Variants in PRKCE observed in about 807,000 individuals in gnomAD.
PRKCE encodes protein kinase C epsilon type.
A neutral mutation model predicts 85.4 loss-of-function variants in PRKCE; 16 were observed. That is an observed-to-expected ratio of 0.19 (90% CI 0.13 to 0.28). The LOEUF is 0.28. Among genes scored for constraint, PRKCE ranks in the 10% least tolerant of loss-of-function variants. The probability of loss-of-function intolerance (pLI) is 1.00; values close to 1 mark genes in which losing one functional copy is unlikely to be tolerated. For synonymous variants in PRKCE, 388 were observed against 371.5 expected, an observed-to-expected ratio of 1.04 and a Z score of -0.51; for missense variants, 573 against 975.2, an observed-to-expected ratio of 0.59 and a Z score of 5.49.
intron 12 of PRKCE, among the ~76,000 whole-genome samples, chr2:46,147,466 G>A (rs72879763): frequency 0.014 from 2,165 of 152,244 alleles, 60 homozygotes; most frequent in African/African-American, 0.05. Flanking sequence ...GAACAAAATA[G>A]CCACTCAGCT....
chr2:45,922,180 T>C (rs1210321171), intron 2 of PRKCE, among the ~76,000 whole-genome samples: 2 of 152,226 alleles, frequency 1.3e-5, no homozygotes, highest in African/African-American at 2.4e-5. Flanking sequence ...TGAGAGTGTC[T>C]CTGTTGACAT....
chr2:45,741,032 C>A (rs1237649178), intron 1 of PRKCE, among the ~76,000 whole-genome samples: 1 of 152,180 alleles, frequency 6.6e-6, no homozygotes, highest in Non-Finnish European at 1.5e-5. Flanking sequence ...CTGAAATGAT[C>A]TTTTTGTGAA....
chr2:45,779,724 T>C (rs111790956), intron 1 of PRKCE, among the ~76,000 whole-genome samples: 26 of 152,244 alleles, frequency 1.7e-4, no homozygotes, highest in Middle Eastern at 3.4e-3. Flanking sequence ...TATATAGATA[T>C]ATATGTCTAT....
At chr2:45,900,141 G>T (rs949328294) in intron 2 of PRKCE, among the ~76,000 whole-genome samples, 6 of 152,178 alleles carry the variant, frequency 3.9e-5, no homozygotes, top group African/African-American at 1.2e-4. Context: ...AAGATGTGGG[G>T]AAATGGAAAC....
intron 10 of PRKCE, among the ~76,000 whole-genome samples, chr2:46,079,495 A>C (rs1026462980): frequency 4.6e-5 from 7 of 152,194 alleles, no homozygotes; most frequent in African/African-American, 1.7e-4. Context: ...TGTTGAATTG[A>C]TAGGTTAGAT....
chr2:45,749,950 C>CT (rs1411852660), intron 1 of PRKCE, among the ~76,000 whole-genome samples: 1 of 152,062 alleles, frequency 6.6e-6, no homozygotes, highest in Non-Finnish European at 1.5e-5. Flanking sequence ...AGGATAAGGC[C>CT]TTTTGGGGGG....
At chr2:45,953,863 A>G (rs1470976007) in intron 2 of PRKCE, among the ~76,000 whole-genome samples, 1 of 152,144 alleles carries the variant, frequency 6.6e-6, no homozygotes, top group Non-Finnish European at 1.5e-5. Context: ...ATTAGTCCTA[A>G]TTATTTTCGT....
intron 2 of PRKCE, among the ~76,000 whole-genome samples, chr2:45,877,757 T>TTGAAACTGATCCAATAGCCCCACA (rs1694587946): frequency 6.6e-6 from 1 of 152,232 alleles, no homozygotes; most frequent in Non-Finnish European, 1.5e-5. Flanking sequence ...ATGGTTCCCT[T>TTGAAACTGATCCAATAGCCCCACA]TGAAACTGAT....
chr2:45,989,813 A>G (rs894776179), intron 6 of PRKCE, among the ~76,000 whole-genome samples: 1 of 152,220 alleles, frequency 6.6e-6, no homozygotes, highest in African/African-American at 2.4e-5. Flanking sequence ...AGCACAATAC[A>G]TAAATACATT....
intron 1 of PRKCE, among the ~76,000 whole-genome samples, chr2:45,803,914 G>T (rs1688055223): frequency 6.6e-6 from 1 of 152,196 alleles, no homozygotes; most frequent in South Asian, 2.1e-4. Context: ...ACAGGATGTT[G>T]TTTAATGGGC....
chr2:45,966,835 C>T (rs896279032), intron 2 of PRKCE, among the ~76,000 whole-genome samples: 1 of 152,094 alleles, frequency 6.6e-6, no homozygotes, highest in African/African-American at 2.4e-5. Flanking sequence ...AGGTTGGGGG[C>T]CACAAGGGAG....
chr2:46,025,897 T>C (rs1283465846), intron 10 of PRKCE, among the ~76,000 whole-genome samples: 1 of 152,188 alleles, frequency 6.6e-6, no homozygotes, highest in Non-Finnish European at 1.5e-5. Context: ...GAGGGCAAAC[T>C]GACCCATCAC....
intron 10 of PRKCE, among the ~76,000 whole-genome samples, chr2:46,051,774 G>T (rs1467169774): frequency 1.3e-5 from 2 of 152,174 alleles, no homozygotes; most frequent in African/African-American, 4.8e-5. Flanking sequence ...CCTGAGACTG[G>T]GTAATTTATA....
intron 2 of PRKCE, among the ~76,000 whole-genome samples, chr2:45,865,905 C>A (rs1358536818): frequency 6.6e-6 from 1 of 150,482 alleles, no homozygotes; most frequent in Non-Finnish European, 1.5e-5. Context: ...GCAGCCTCAA[C>A]CTCACAGGCT....
At chr2:45,869,590 G>A (rs1315234510) in intron 2 of PRKCE, among the ~76,000 whole-genome samples, 1 of 152,146 alleles carries the variant, frequency 6.6e-6, no homozygotes, top group Non-Finnish European at 1.5e-5. Context: ...TGAGCATAGA[G>A]AGGTTGAGCT....
chr2:45,958,804 ATATATATATATATTTTTTTT>A (rs1558885600), intron 2 of PRKCE, among the ~76,000 whole-genome samples: 28 of 21,382 alleles, frequency 1.3e-3, no homozygotes, highest in South Asian at 6.4e-3. Flanking sequence ...ATATATATAT[ATATATATATATATTTTTTTT>A]TTTTTTTTTT....
intron 13 of PRKCE, among the ~76,000 whole-genome samples, chr2:46,153,781 CTTTTTTT>C (rs70937993): frequency 2.3e-3 from 171 of 75,976 alleles, no homozygotes; most frequent in Middle Eastern, 0.02. Context: ...TCTTCTTCTT[CTTTTTTT>C]TTTTTTTTTT....
intron 1 of PRKCE, among the ~76,000 whole-genome samples, chr2:45,758,478 G>C (rs933687686): frequency 2.3e-4 from 35 of 151,662 alleles, no homozygotes; most frequent in African/African-American, 8.5e-4. Context: ...CTACCTCAGA[G>C]TCTTTGCACT....
intron 2 of PRKCE, among the ~76,000 whole-genome samples, chr2:45,884,431 G>T (rs1251829954): frequency 2.0e-5 from 3 of 152,204 alleles, no homozygotes; most frequent in African/African-American, 7.2e-5. Flanking sequence ...TTCAAGACCA[G>T]ATCTCCCTGT....
Sources: allele counts gnomAD v4.1 joint callset (sites outside exome capture counted in the v4.1 genomes callset), GRCh38; gene constraint gnomAD v4.1.1; transcripts MANE v1.5; gene names NCBI Gene and HGNC (gene_info 2026-07-23, HGNC 2026-07-21).